EIF4G1: variants seen among roughly 807,000 people sequenced by gnomAD.
EIF4G1 encodes eukaryotic translation initiation factor 4 gamma 1.
A neutral mutation model predicts 187.8 loss-of-function variants in EIF4G1; 4 were observed. The ratio of observed to expected loss-of-function variants is 0.02; its 90% CI spans 0.01 to 0.05. EIF4G1 has a LOEUF of 0.05. EIF4G1 is among the 10% of genes least tolerant of loss of function. The probability of loss-of-function intolerance (pLI) is 1.00; values close to 1 mark genes in which losing one functional copy is unlikely to be tolerated. For synonymous variants in EIF4G1, 844 were observed against 781.4 expected (o/e 1.08, Z -1.34); for missense variants, 1,647 against 2,081.1 (o/e 0.79, Z 4.06).
In EIF4G1 at chr3:184,327,198, T is replaced by A. The variant is rs1480543777; in HGVS notation, c.3429-18T>A. 1.2e-6 allele frequency: 2 copies of A among 1,612,292 alleles called. No individual in the cohort carries two copies. Among genetic ancestry groups the A allele is most frequent in the Non-Finnish European group, 1.7e-6 (2 of 1,179,964 alleles). On this transcript the variant is annotated intron_variant, in intron 23 of 32. Transcript: ENST00000346169. ...TGGGCAGTGCAAGTGAGTGAAAATT[T>A]GTCTGTCTGTCTTCCAGGAGTAGCT... is the stretch of plus-strand genomic sequence containing the variant.
Position 184,325,565 on chromosome 3 carries a change from A to G in EIF4G1, c.3047A>G (p.Glu1016Gly). ...GAGGCTGAGATGGAAGAACATCGAG[A>G]GCACATCAAAGTGCAGCAGCTCATG... ...HKEAEMEEHR[E>G]HIKVQQLMAK... Residue 1016 changes from glutamate (E) to glycine (G), a missense_variant, in exon 20 of 33, where the codon GAG becomes GGG. This residue lies in a region of EIF4G1 where 142 missense variants were observed against 296.6 expected (regional missense o/e 0.48). Transcript: ENST00000346169. This position sits in a 1 kb window ranked among gnomAD's most constrained non-coding sequence, Gnocchi z 5.2. The G allele has an allele frequency of 6.2e-7, 1 of 1,614,226 alleles. No individual in the cohort carries two copies. The highest frequency in any genetic ancestry group is 1.3e-5 in the African/African-American group (1 of 75,062).
At chr3:184,327,500 A>G in intron 24 of EIF4G1, 52 bp downstream of exon 24, 3 of 1,612,656 alleles carry the variant, frequency 1.9e-6, no homozygotes, top group Non-Finnish European at 2.5e-6. Context: ...CCTTGGGACT[A>G]GCTGGTCCCC....
chr3:184,318,675 GCT>G (rs1259324213), intron 6 of EIF4G1, among the ~76,000 whole-genome samples: 4 of 152,170 alleles, frequency 2.6e-5, no homozygotes, highest in Admixed American at 2.6e-4. Context: ...CACAGTCTTG[GCT>G]CTCTGCAGCC....
Position 184,327,355 on chromosome 3 carries a change from G to T in EIF4G1, c.3568G>T (p.Val1190Leu), listed in dbSNP as rs1156766589. The stretch of plus-strand genomic sequence containing the variant: ...TACCAAGCGGAGCTTCAGCAAGGAA[G>T]TGGAGGAGCGGAGTAGAGAACGGCC... ...PATKRSFSKE[V>L]EERSRERPSQ... The change falls in exon 24 of 33, where the codon GTG becomes TTG. Residue 1190 changes from valine to leucine, a missense_variant. By Grantham distance (32) the Val-to-Leu change is conservative. Transcript: ENST00000346169. 6.2e-7 allele frequency: 1 copy of T among 1,613,752 alleles called. No homozygotes were observed. Among genetic ancestry groups the T allele is most frequent in the South Asian group, 1.1e-5 (1 of 91,088 alleles).
At position 184,334,815 on chromosome 3, in the gene EIF4G1, C is replaced by T. The variant is rs372971110; in HGVS notation, c.4707C>T (p.Pro1569=). 3.6e-5 allele frequency: 58 copies of T among 1,614,094 alleles called. No homozygotes were observed. The highest frequency in any genetic ancestry group is 2.9e-4 in the East Asian group (13 of 44,896). The change falls in exon 33 of 33, where the codon CCC becomes CCT. Residue 1569 remains proline (P), a synonymous_variant. Transcript: ENST00000346169. This position sits in a 1 kb window ranked among gnomAD's most constrained non-coding sequence, Gnocchi z 5.8. ...AFYSWESSKD[P]AEQQGKGVAL... ...ACAGTTGGGAGAGTAGCAAGGACCC[C>T]GCTGAGCAGCAGGGCAAGGGTGTGG...
chr3:184,319,508 C>T (rs1373340102), intron 6 of EIF4G1, 181 bp from the exon 7 acceptor site: 1 of 619,914 alleles, frequency 1.6e-6, no homozygotes, highest in Non-Finnish European at 3.0e-6. Flanking sequence ...AAACGCAGTT[C>T]AGACTGGTTC....
intron 32 of EIF4G1, among the ~76,000 whole-genome samples, chr3:184,332,829 A>G (rs1236469436): frequency 1.3e-5 from 2 of 152,190 alleles, no homozygotes; most frequent in African/African-American, 4.8e-5. Flanking sequence ...ACCAGTCCTA[A>G]GTGAGGCAAG....
chr3:184,326,405 TAAAAA>T, intron 21 of EIF4G1, 117 bp from the exon 22 acceptor site: 2 of 1,012,842 alleles, frequency 2.0e-6, no homozygotes, highest in Middle Eastern at 4.1e-4. Context: ...GGCCCTTTAT[TAAAAA>T]AGATTTTCTG....
chr3:184,321,406 G>C lies in EIF4G1; in HGVS notation c.822G>C (p.Pro274=), dbSNP rs145242189. 24 of 1,613,972 alleles carry C rather than the reference G, an allele frequency of 1.5e-5. No individual in the cohort carries two copies. In the South Asian group the frequency reaches 2.5e-4, roughly 17 times the overall value. The change falls in exon 10 of 33, where the codon CCG becomes CCC. Residue 274 remains proline (P), a synonymous_variant. Transcript: ENST00000346169. The part of the protein sequence containing the change: ...PTPSPSPVLE[P]GSEPNLAVLS... ...CATCACCATCCCCAGTCTTGGAACC[G>C]GGGTCTGAGCCTAATCTCGCAGTCC...
At position 184,324,245 on chromosome 3, in the gene EIF4G1, C is replaced by T; in HGVS notation, c.2517C>T (p.Phe839=). Residue 839 remains phenylalanine, a synonymous_variant, in exon 17 of 33, where the codon TTC becomes TTT. Transcript: ENST00000346169. The stretch of plus-strand genomic sequence containing the variant: ...AAAAGCCAACAGTGACTGTGAACTT[C>T]CGAAAGCTGTTGTTGAATCGATGTC... The part of the protein sequence containing the change: ...TTEKPTVTVN[F]RKLLLNRCQK... 6.2e-7 allele frequency: 1 copy of T among 1,614,194 alleles called. No individual in the cohort carries two copies. Among genetic ancestry groups the T allele is most frequent in the Non-Finnish European group, 8.5e-7 (1 of 1,180,046 alleles).
rs1008164990 is a variant in EIF4G1, at chr3:184,328,728, G to A, written c.4051G>A (p.Gly1351Ser). The change falls in exon 27 of 33, where the codon GGT (glycine) becomes AGT (serine). Residue 1351 changes from glycine (G) to serine (S), a missense_variant. By Grantham distance (56) the Gly-to-Ser change is moderately conservative (BLOSUM62 0). Transcript: ENST00000346169. ...AELVTPILQE[G>S]GVPMGELFRE... ...ACTGGTAACACCCATTCTGCAGGAA[G>A]GTGGGGTGCCCATGGGGGAGCTGTT... is the stretch of plus-strand genomic sequence containing the variant. 7 of 1,614,196 alleles carry A rather than the reference G, an allele frequency of 4.3e-6. No individual in the cohort carries two copies. The highest frequency in any genetic ancestry group is 5.9e-6 in the Non-Finnish European group (7 of 1,180,042).
At chr3:184,326,767 G>A in intron 22 of EIF4G1, 114 bp from the exon 23 acceptor site, 1 of 1,502,622 alleles carries the variant, frequency 6.7e-7, no homozygotes, top group Non-Finnish European at 9.3e-7. Flanking sequence ...TGTGGTTCCA[G>A]GGATTGAACT....
chr3:184,322,523 C>G (rs1237310543), intron 11 of EIF4G1, 21 bp from the exon 12 acceptor site: 2 of 1,613,958 alleles, frequency 1.2e-6, no homozygotes, highest in African/African-American at 2.7e-5. Context: ...GCAACCAAAA[C>G]TGGATGTTCT....
Position 184,321,425 on chromosome 3 carries a change from G to T in EIF4G1, c.841G>T (p.Ala281Ser). Residue 281 changes from alanine to serine, a missense_variant, in exon 10 of 33, where the codon GCA becomes TCA. Ala to Ser is a moderately conservative substitution (Grantham distance 99, BLOSUM62 1). Around this residue, in one of 11 missense-constraint regions of EIF4G1, gnomAD observed 522 missense variants for 485.2 expected, o/e 1.08. Transcript: ENST00000346169. ...GGAACCGGGGTCTGAGCCTAATCTC[G>T]CAGTCCTCTCTATTCCTGGGGACAC... is the stretch of plus-strand genomic sequence containing the variant. ...VLEPGSEPNL[A>S]VLSIPGDTMT... 6.2e-7 allele frequency: 1 copy of T among 1,613,988 alleles called. No homozygotes were observed. Among genetic ancestry groups the T allele is most frequent in the Non-Finnish European group, 8.5e-7 (1 of 1,180,006 alleles).
Position 184,321,005 on chromosome 3 carries a change from G to T in EIF4G1, c.697+12G>T, listed in dbSNP as rs376136961. 1 of 1,613,098 alleles carries T rather than the reference G, an allele frequency of 6.2e-7. No homozygotes were observed. Among genetic ancestry groups the T allele is most frequent in the Admixed American group, 1.7e-5 (1 of 59,958 alleles). On this transcript the variant is annotated intron_variant, in intron 9 of 32. Transcript: ENST00000346169. Reference sequence around the variant, plus strand: ...CATTGTCCGGCCAGGTAAGTAAGCCGGTGGGACGGAGCTTTTATGGGGAAA... The same window carrying T: ...CATTGTCCGGCCAGGTAAGTAAGCCTGTGGGACGGAGCTTTTATGGGGAAA...
rs1472626089 is a variant in EIF4G1, at chr3:184,328,765, C to G, written c.4079+9C>G. ...ATGGGGGAGCTGTTCAGGTAAGTCC[C>G]CCTGGGTGGAATTCAGGGGAGGTAA... On this transcript the variant is annotated intron_variant, in intron 27 of 32. Transcript: ENST00000346169. 3 of 1,614,068 alleles carry G rather than the reference C, an allele frequency of 1.9e-6. No individual in the cohort carries two copies. Among genetic ancestry groups the G allele is most frequent in the Non-Finnish European group, 2.5e-6 (3 of 1,180,004 alleles).
intron 9 of EIF4G1, 86 bp downstream of exon 9, chr3:184,321,079 G>A (rs539733556): frequency 4.3e-4 from 657 of 1,541,632 alleles, no homozygotes; most frequent in Non-Finnish European, 3.2e-4. Context: ...CTTGAACTGG[G>A]TACCAGAGAA....
At chr3:184,315,983 C>G (rs1722706794) in intron 3 of EIF4G1, 127 bp downstream of exon 3, 36 of 1,522,384 alleles carry the variant, frequency 2.4e-5, no homozygotes, top group Non-Finnish European at 3.0e-5. Context: ...GAGACAGGGC[C>G]CCTGGGCTGT....
chr3:184,329,378 A>G (rs1025161700), intron 28 of EIF4G1, among the ~76,000 whole-genome samples: 6 of 152,250 alleles, frequency 3.9e-5, no homozygotes, highest in African/African-American at 1.4e-4. Context: ...CACGCCTGTA[A>G]TCCCAGCACT....
Sources: gnomAD v4.1 joint callset for allele counts (sites outside exome capture counted in the v4.1 genomes callset) on GRCh38, gnomAD v4.1.1 for gene constraint, gnomAD v4.1.1 regional missense constraint, Gnocchi (gnomAD v3.1) non-coding constraint, MANE v1.5 for transcripts, NCBI Gene and HGNC (gene_info 2026-07-23, HGNC 2026-07-21) for gene names.